Variants in TAF1 observed in about 807,000 individuals in gnomAD.
TAF1 encodes transcription initiation factor TFIID subunit 1.
Under a neutral mutation model 138.5 loss-of-function variants are expected in TAF1, and 2 were observed. That is an observed-to-expected ratio of 0.01 (90% CI 0.01 to 0.05). The LOEUF (loss-of-function observed/expected upper bound fraction) is 0.05. Ranked by LOEUF, TAF1 falls within the 10% of genes least tolerant of loss-of-function variation. The pLI, the probability that TAF1 is intolerant of heterozygous loss-of-function variation, is 1.00. For synonymous variants in TAF1, 437 were observed against 503.2 expected (o/e 0.87, Z 1.76); for missense variants, 709 against 1,478.0 (o/e 0.48, Z 8.53).
chrX:71,488,839 G>A (rs1187668329), intron 13 of TAF1, among the ~76,000 whole-genome samples: 4 of 109,933 alleles, frequency 3.6e-5, no homozygotes, highest in East Asian at 2.9e-4. Context: ...GGCCGAGGCA[G>A]GTGGATCACC....
chrX:71,504,910 G>A (rs2039596105), intron 13 of TAF1, among the ~76,000 whole-genome samples: 2 of 108,838 alleles, frequency 1.8e-5, no homozygotes, highest in South Asian at 4.0e-4. Flanking sequence ...CAGGTGGATC[G>A]CTTGAGCTCA....
At chrX:71,529,759 G>A (rs775631244) in exon 15 of TAF1, 2 of 329,899 alleles carry the variant, frequency 6.1e-6, no homozygotes, top group African/African-American at 2.6e-5. Context: ...TGGATTGGAA[G>A]AATGAACCAA....
chrX:71,430,964 A>G (rs2036854553), intron 32 of TAF1, among the ~76,000 whole-genome samples: 1 of 106,561 alleles, frequency 9.4e-6, no homozygotes, highest in Non-Finnish European at 1.9e-5. Context: ...AAGACTTTTA[A>G]TAGGTAGTTA....
intron 13 of TAF1, among the ~76,000 whole-genome samples, chrX:71,523,300 T>A (rs1367675410): frequency 1.8e-5 from 2 of 111,361 alleles, no homozygotes; most frequent in Admixed American, 1.9e-4. Flanking sequence ...TGAAGTTTTA[T>A]TTCTCCTTTT....
chrX:71,453,200 A>G (rs760980824), intron 32 of TAF1, among the ~76,000 whole-genome samples: 31 of 111,670 alleles, frequency 2.8e-4, no homozygotes, highest in Non-Finnish European at 4.7e-4. Flanking sequence ...AAAATTGAGC[A>G]GAAGTTACAG....
intron 28 of TAF1, chrX:71,419,948 A>G (rs1283945534): frequency 4.3e-6 from 1 of 230,469 alleles, no homozygotes; most frequent in African/African-American, 2.9e-5. Flanking sequence ...CCCCTTCCAC[A>G]GTATATCTTT....
chrX:71,393,036 T>G, intron 20 of TAF1, 42 bp downstream of exon 20: 1 of 1,198,329 alleles, frequency 8.3e-7, no homozygotes. Flanking sequence ...CTAGGGGCTT[T>G]GTATAGAGTT....
At chrX:71,499,812 C>G (rs983288443) in intron 13 of TAF1, among the ~76,000 whole-genome samples, 6 of 111,692 alleles carry the variant, frequency 5.4e-5, no homozygotes, top group Non-Finnish European at 1.9e-5. Flanking sequence ...AAGCCACATT[C>G]TTTTCATTAA....
chrX:71,508,078 C>CTA (rs1254896665), intron 13 of TAF1, among the ~76,000 whole-genome samples: 3 of 96,277 alleles, frequency 3.1e-5, no homozygotes, highest in African/African-American at 1.2e-4. Flanking sequence ...CTCTCTCTCT[C>CTA]TCTCTCTCTA....
rs188676999 is a variant in TAF1, at chrX:71,443,068, G to A, written c.4754-11102G>A. The stretch of plus-strand genomic sequence containing the variant: ...ATGCTGTTTTGGTTACTGTAGCCTT[G>A]TATTATAGTTTGAGGTCAGGTGGCA... On this transcript the variant is annotated intron_variant, in intron 32 of 37. Coordinates refer to ENST00000423759, the MANE Select transcript of TAF1 (RefSeq NM_004606.5). Among the ~76,000 whole-genome samples, 304 of 112,021 alleles carry A rather than the reference G, an allele frequency of 2.7e-3. 3 individuals carry two copies. The highest frequency in any genetic ancestry group is 0.018 in the Middle Eastern group (4 of 217).
At chrX:71,495,379 G>A (rs1410278623) in intron 13 of TAF1, among the ~76,000 whole-genome samples, 1 of 111,839 alleles carries the variant, frequency 8.9e-6, no homozygotes. Flanking sequence ...GAGAGTAATA[G>A]CAAGATGGCT....
intron 25 of TAF1, 55 bp from the exon 26 acceptor site, chrX:71,406,583 T>A: frequency 1.8e-6 from 2 of 1,107,235 alleles, no homozygotes; most frequent in Admixed American, 2.7e-5. Flanking sequence ...TTGCTTTTTT[T>A]CCCCCTGGGA....
chrX:71,392,495 C>G (rs1048945970), intron 18 of TAF1, 74 bp from the exon 19 acceptor site: 2 of 1,048,369 alleles, frequency 1.9e-6, no homozygotes, highest in Non-Finnish European at 2.5e-6. Context: ...TGTAATTATT[C>G]TACTCTTGTA....
chrX:71,409,248 C>T (rs1394001574), intron 28 of TAF1, among the ~76,000 whole-genome samples: 1 of 108,880 alleles, frequency 9.2e-6, no homozygotes, highest in Non-Finnish European at 1.9e-5. Context: ...CCAGTAGCCT[C>T]CTGAGTAGCT....
intron 32 of TAF1, among the ~76,000 whole-genome samples, chrX:71,429,481 TG>T (rs1389244955): frequency 9.0e-6 from 1 of 111,201 alleles, no homozygotes; most frequent in Non-Finnish European, 1.9e-5. Context: ...GGAAGTGTGC[TG>T]GTAGTTAAAT....
At chrX:71,514,706 C>A (rs1237797382) in intron 13 of TAF1, among the ~76,000 whole-genome samples, 3 of 111,266 alleles carry the variant, frequency 2.7e-5, no homozygotes, top group Non-Finnish European at 5.7e-5. Context: ...CAATGAGATC[C>A]CCTCGTAAAA....
intron 13 of TAF1, among the ~76,000 whole-genome samples, chrX:71,504,826 G>A (rs1221226038): frequency 9.4e-6 from 1 of 106,151 alleles, no homozygotes; most frequent in Admixed American, 1.0e-4. Flanking sequence ...ATGAAGGTGG[G>A]CAAAGTCTAA....
At chrX:71,391,308 C>G (rs1047870527) in intron 18 of TAF1, among the ~76,000 whole-genome samples, 1 of 111,578 alleles carries the variant, frequency 9.0e-6, no homozygotes, top group Non-Finnish European at 1.9e-5. Flanking sequence ...TGAGGCCACA[C>G]AGAGTGAGTA....
intron 11 of TAF1, 39 bp from the exon 12 acceptor site, chrX:71,382,952 G>A: frequency 8.4e-7 from 1 of 1,194,522 alleles, no homozygotes; most frequent in Non-Finnish European, 1.1e-6. Flanking sequence ...TGCTTAGGAT[G>A]GAATTAGCTA....
Sources: gnomAD v4.1 joint callset for allele counts (sites outside exome capture counted in the v4.1 genomes callset) on GRCh38, gnomAD v4.1.1 for gene constraint, MANE v1.5 for transcripts, NCBI Gene and HGNC (gene_info 2026-07-23, HGNC 2026-07-21) for gene names.